IPO11: variants seen among roughly 807,000 people sequenced by gnomAD.
IPO11 encodes the protein importin-11.
IPO11 carries 66 observed loss-of-function variants against 143.2 expected under a neutral mutation model. That is an observed-to-expected ratio of 0.46 (90% CI 0.38 to 0.57). IPO11 has a LOEUF of 0.57. Ranked by LOEUF, IPO11 falls within the 20% of genes least tolerant of loss-of-function variation. The pLI is 0.00. For missense variants in IPO11, 1,026 were observed against 1,141.0 expected (o/e 0.90, Z 1.45); for synonymous variants, 385 against 377.8 (o/e 1.02, Z -0.22).
At chr5:62,574,105 C>G (rs1205754751) in intron 27 of IPO11, among the ~76,000 whole-genome samples, 23 of 152,128 alleles carry the variant, frequency 1.5e-4, no homozygotes, top group Admixed American at 1.5e-3. Flanking sequence ...CAGTGACTCC[C>G]AAATCTGTGC....
intron 2 of IPO11, 150 bp downstream of exon 2, chr5:62,437,567 C>A: frequency 6.8e-6 from 4 of 589,656 alleles, no homozygotes; most frequent in South Asian, 2.6e-5. Context: ...TACTTTATGA[C>A]TTCTTAAGGG....
At chr5:62,446,748 C>T (rs1403514688) in intron 3 of IPO11, among the ~76,000 whole-genome samples, 1 of 152,134 alleles carries the variant, frequency 6.6e-6, no homozygotes, top group African/African-American at 2.4e-5. Context: ...GCGGGCAGGT[C>T]GCCTGAGGTC....
intron 3 of IPO11, 159 bp from the exon 4 acceptor site, chr5:62,449,768 T>C (rs1001445970): frequency 4.2e-6 from 2 of 474,404 alleles, no homozygotes; most frequent in Non-Finnish European, 3.8e-6. Context: ...TTCACAGTAG[T>C]GCCAATATAC....
In IPO11 at chr5:62,484,074, G is replaced by A. The variant is rs1345400824; in HGVS notation, c.1086G>A (p.Leu362=). ...TGGCATTCTTCACATATCCTACTTT[G>A]ACAGAGATATGTAGAAGATTAGTCT... The part of the protein sequence containing the change: ...IKMAFFTYPT[L]TEICRRLVSH... Residue 362 remains leucine (L), a synonymous_variant, in exon 11 of 30, where the codon TTG becomes TTA. Coordinates refer to ENST00000325324, the MANE Select transcript of IPO11 (RefSeq NM_016338.5). 2.5e-6 allele frequency: 4 copies of A among 1,608,378 alleles called. No homozygotes were observed. The Admixed American group carries it at 5.1e-5, about 20-fold the overall frequency.
chr5:62,447,667 C>A lies in IPO11; in HGVS notation c.240-2260C>A, dbSNP rs148799533. On this transcript the variant is annotated intron_variant, in intron 3 of 29. Transcript: ENST00000325324. ...GTGGTGCCATCATGGCTCACTGCAACCTCGACTTCTCAGGCTCCAGTGATC... is the reference window on the plus strand; with the variant it reads ...GTGGTGCCATCATGGCTCACTGCAAACTCGACTTCTCAGGCTCCAGTGATC... Among the ~76,000 whole-genome samples the A allele has an allele frequency of 1.7e-4, 26 of 151,912 alleles. No individual in the cohort carries two copies. The East Asian group carries it at 4.8e-3, about 28-fold the overall frequency.
intron 24 of IPO11, among the ~76,000 whole-genome samples, chr5:62,542,971 A>T (rs994752092): frequency 6.6e-6 from 1 of 152,214 alleles, no homozygotes; most frequent in Non-Finnish European, 1.5e-5. Flanking sequence ...AACATATGCT[A>T]CATATTCTAA....
intron 5 of IPO11, among the ~76,000 whole-genome samples, chr5:62,466,814 T>G (rs940368253): frequency 4.6e-5 from 7 of 152,170 alleles, no homozygotes; most frequent in African/African-American, 1.7e-4. Context: ...TGCAACCTAT[T>G]AGTGGAGATA....
chr5:62,502,981 C>T (rs897860773), intron 16 of IPO11, among the ~76,000 whole-genome samples: 1 of 152,064 alleles, frequency 6.6e-6, no homozygotes, highest in Admixed American at 6.6e-5. Flanking sequence ...CGCCACTATG[C>T]CCAGCTAATT....
chr5:62,530,696 T>C lies in IPO11; in HGVS notation c.2013-13T>C. On this transcript the variant is annotated splice_polypyrimidine_tract_variant and intron_variant, in intron 21 of 29. Coordinates refer to ENST00000325324, the MANE Select transcript of IPO11 (RefSeq NM_016338.5). ...CATGGAAAGTGGTTTAATCATCTGT[T>C]TTTCCTTCCTAGGTTAGTAACTTTG... is the stretch of plus-strand genomic sequence containing the variant. 6.3e-7 allele frequency: 1 copy of C among 1,597,882 alleles called. No individual in the cohort carries two copies. Among genetic ancestry groups the C allele is most frequent in the South Asian group, 1.1e-5 (1 of 90,564 alleles).
chr5:62,617,970 T>C (rs1746203289), intron 29 of IPO11, among the ~76,000 whole-genome samples: 1 of 152,112 alleles, frequency 6.6e-6, no homozygotes, highest in Non-Finnish European at 1.5e-5. Flanking sequence ...CTTAAGATGA[T>C]CTAGTGGGTG....
chr5:62,587,936 C>T (rs1278639165), intron 27 of IPO11, among the ~76,000 whole-genome samples: 1 of 152,168 alleles, frequency 6.6e-6, no homozygotes, highest in Non-Finnish European at 1.5e-5. Context: ...TGGGAGGGAT[C>T]AGAAGGCCTC....
rs1267444397 is a variant in IPO11 at position 62,598,538 on chromosome 5, TTCTTTCTTTTCTTTC to T, written c.2679-3224_2679-3210del. Among the ~76,000 whole-genome samples the T allele has an allele frequency of 2.8e-4, 6 of 21,512 alleles. 2 individuals carry two copies. The highest frequency in any genetic ancestry group is 2.5e-3 in the African/African-American group (4 of 1,572). The allele number at this position is 21,512 out of a possible 152,430, so 14.1% of individuals were successfully genotyped here. ...TCTTTCTTTCTTTCTTTTCTTTCTT[TTCTTTCTTTTCTTTC>T]TTTTTTTTTTTTATGGAGTCTTGCC... is the stretch of plus-strand genomic sequence containing the variant. On this transcript the variant is annotated intron_variant, in intron 28 of 29. Coordinates refer to ENST00000325324, the MANE Select transcript of IPO11 (RefSeq NM_016338.5).
chr5:62,568,574 CAAAAAA>C (rs66748975), intron 27 of IPO11, among the ~76,000 whole-genome samples: 6 of 51,904 alleles, frequency 1.2e-4, no homozygotes, highest in Admixed American at 2.9e-4. Flanking sequence ...ACTCTGTCTC[CAAAAAA>C]AAAAAAAAAA....
intron 27 of IPO11, among the ~76,000 whole-genome samples, chr5:62,582,740 A>G (rs1744616449): frequency 6.6e-6 from 1 of 152,178 alleles, no homozygotes; most frequent in Admixed American, 6.5e-5. Context: ...ATAGATGGTA[A>G]TTGAAGTCAT....
intron 3 of IPO11, among the ~76,000 whole-genome samples, chr5:62,448,687 A>G (rs1744802463): frequency 6.6e-6 from 1 of 152,112 alleles, no homozygotes; most frequent in South Asian, 2.1e-4. Context: ...AGTACCTCAG[A>G]CTACAGGTGT....
At chr5:62,551,792 C>T (rs1001560722) in intron 26 of IPO11, among the ~76,000 whole-genome samples, 1 of 152,010 alleles carries the variant, frequency 6.6e-6, no homozygotes, top group African/African-American at 2.4e-5. Flanking sequence ...ATATCTGTTA[C>T]CAGAGTAAGT....
At chr5:62,461,878 G>A (rs1257183266) in intron 5 of IPO11, among the ~76,000 whole-genome samples, 1 of 152,166 alleles carries the variant, frequency 6.6e-6, no homozygotes, top group African/African-American at 2.4e-5. Context: ...CATCTCAAAT[G>A]TGAAAATCTG....
chr5:62,434,928 G>A (rs1228219358), intron 1 of IPO11, among the ~76,000 whole-genome samples: 3 of 151,090 alleles, frequency 2.0e-5, no homozygotes. Flanking sequence ...GGGAGGCTAA[G>A]GCAGGAGAAT....
intron 20 of IPO11, among the ~76,000 whole-genome samples, chr5:62,525,639 C>T (rs1214714533): frequency 3.3e-5 from 5 of 152,208 alleles, no homozygotes; most frequent in African/African-American, 7.2e-5. Flanking sequence ...CCGCCTTGGC[C>T]TCCCAATGAG....
Sources: gnomAD v4.1 joint callset for allele counts (sites outside exome capture counted in the v4.1 genomes callset) on GRCh38, gnomAD v4.1.1 for gene constraint, MANE v1.5 for transcripts, NCBI Gene and HGNC (gene_info 2026-07-23, HGNC 2026-07-21) for gene names.